The following TCF7 variants were observed in gnomAD, a reference collection of about 807,000 sequenced individuals.
TCF7 encodes T-cell-factor-7.
TCF7 carries 19 observed loss-of-function variants against 46.8 expected under a neutral mutation model. The ratio of observed to expected loss-of-function variants is 0.41; its 90% CI spans 0.28 to 0.60. The LOEUF is 0.60. Ranked by LOEUF, TCF7 falls within the 20% of genes least tolerant of loss-of-function variation. The pLI is 0.35. For synonymous variants in TCF7, 245 were observed against 213.4 expected (o/e 1.15, Z -1.29); for missense variants, 547 against 504.6 (o/e 1.08, Z -0.81).
intron 5 of TCF7, among the ~76,000 whole-genome samples, chr5:134,140,204 G>A (rs530399912): frequency 9.6e-4 from 146 of 152,324 alleles, no homozygotes; most frequent in African/African-American, 3.4e-3. Context: ...TGCCGGGCAG[G>A]GTTCTGGGCA....
In TCF7 at chr5:134,135,281, C is replaced by G. The variant is rs75116188; in HGVS notation, c.442-2778C>G. On this transcript the variant is annotated intron_variant, in intron 3 of 9. Coordinates refer to ENST00000342854, the MANE Select transcript of TCF7 (RefSeq NM_003202.5). ...CAGCCCACAGAGAATTTTGTAGGCC[C>G]CAGGTCAGGAGATACCGTGGGAAGC... Among the ~76,000 whole-genome samples the G allele has an allele frequency of 5.8e-3, 888 of 152,218 alleles. 7 individuals are homozygous for G. The highest frequency in any genetic ancestry group is 0.021 in the African/African-American group (852 of 41,544).
intron 4 of TCF7, 61 bp downstream of exon 4, chr5:134,138,225 C>G (rs773875024): frequency 6.8e-7 from 1 of 1,471,240 alleles, no homozygotes; most frequent in Non-Finnish European, 9.5e-7. Context: ...AAGACCCCAG[C>G]TTCTGAGACC....
At chr5:134,109,099 C>A in the TCF7 span, among the ~76,000 whole-genome samples, 1 of 149,624 alleles carries the variant, frequency 6.7e-6, no homozygotes, top group African/African-American at 2.5e-5. Flanking sequence ...TAACTACTTC[C>A]TGGATTCTAA....
chr5:134,119,577 A>G (rs1440520736), intron 3 of TCF7, among the ~76,000 whole-genome samples: 1 of 152,180 alleles, frequency 6.6e-6, no homozygotes, highest in Non-Finnish European at 1.5e-5. Context: ...TGATCTCCAC[A>G]GTTGTCCAGG....
chr5:134,143,546 A>G lies in TCF7; in HGVS notation c.1027-46A>G, dbSNP rs747774502. 1.2e-5 allele frequency: 20 copies of G among 1,613,110 alleles called. No individual in the cohort carries two copies. In the Admixed American group the frequency reaches 2.0e-4, roughly 16 times the overall value. Reference sequence around the variant, plus strand: ...TAGGCAGCAGGCTGTGGGTATCCCAATGTCTGCCTCCCAGATCTGAGCATC... The same window carrying G: ...TAGGCAGCAGGCTGTGGGTATCCCAGTGTCTGCCTCCCAGATCTGAGCATC... On this transcript the variant is annotated intron_variant, in intron 8 of 9. Coordinates refer to ENST00000342854, the MANE Select transcript of TCF7 (RefSeq NM_003202.5).
At chr5:134,130,266 T>C (rs573405230) in intron 3 of TCF7, among the ~76,000 whole-genome samples, 1 of 152,330 alleles carries the variant, frequency 6.6e-6, no homozygotes, top group Admixed American at 6.5e-5. Context: ...GGAAGTCGAT[T>C]GTTGTAGTCT....
intron 3 of TCF7, among the ~76,000 whole-genome samples, chr5:134,129,180 G>T (rs546286360): frequency 6.6e-6 from 1 of 152,336 alleles, no homozygotes; most frequent in East Asian, 1.9e-4. Context: ...AGCACAAAGT[G>T]GTTGGGAAGA....
intron 3 of TCF7, among the ~76,000 whole-genome samples, chr5:134,126,919 C>G (rs774071226): frequency 1.3e-5 from 2 of 151,654 alleles, no homozygotes; most frequent in African/African-American, 4.8e-5. Flanking sequence ...AAAGATCGTA[C>G]AAGCCAAGAA....
Position 134,142,232 on chromosome 5 carries a change from C to T in TCF7, c.683C>T (p.Pro228Leu), listed in dbSNP as rs1041367949. The T allele has an allele frequency of 6.2e-7, 1 of 1,612,566 alleles. No homozygotes were observed. Among genetic ancestry groups the T allele is most frequent in the African/African-American group, 1.3e-5 (1 of 74,910 alleles). Residue 228 changes from proline to leucine, a missense_variant, in exon 6 of 10, where the codon CCA becomes CTA. By Grantham distance (98) the Pro-to-Leu change is moderately conservative. Transcript: ENST00000342854. ...LMLGSGVPGH[P>L]AAIPHPAIVP... ...CTAGGTTCTGGTGTACCTGGTCACC[C>T]AGCAGCCATCCCCCACCCGGCCATT... is the stretch of plus-strand genomic sequence containing the variant.
chr5:134,135,048 G>A lies in TCF7; in HGVS notation c.442-3011G>A, dbSNP rs188805537. Among the ~76,000 whole-genome samples the A allele has an allele frequency of 2.6e-5, 4 of 152,310 alleles. No homozygotes were observed. In the East Asian group the frequency reaches 7.7e-4, roughly 29 times the overall value. ...GGCTCACTGCAGCCTCGATCTCCAGGGCTCCAATGATCCTCCTCCCTCAAC... is the reference window on the plus strand; with the variant it reads ...GGCTCACTGCAGCCTCGATCTCCAGAGCTCCAATGATCCTCCTCCCTCAAC... On this transcript the variant is annotated intron_variant, in intron 3 of 9. Transcript: ENST00000342854.
At chr5:134,109,899 A>G (rs1462477617), upstream of TCF7, among the ~76,000 whole-genome samples, 1 of 152,202 alleles carries the variant, frequency 6.6e-6, no homozygotes, top group African/African-American at 2.4e-5. Context: ...ACTAGGACAC[A>G]GGCTGGCACT....
chr5:134,132,475 T>C (rs1411488182), intron 3 of TCF7, among the ~76,000 whole-genome samples: 2 of 152,238 alleles, frequency 1.3e-5, no homozygotes, highest in African/African-American at 4.8e-5. Context: ...GGAGGCGTTC[T>C]TGGGAGGGCC....
intron 3 of TCF7, among the ~76,000 whole-genome samples, chr5:134,126,841 G>GAGCC (rs1372663241): frequency 6.6e-6 from 1 of 151,598 alleles, no homozygotes; most frequent in Non-Finnish European, 1.5e-5. Context: ...AGGTCACAGT[G>GAGCC]AGCCAAGATT....
intron 3 of TCF7, among the ~76,000 whole-genome samples, chr5:134,126,245 T>C (rs1032233930): frequency 3.9e-5 from 6 of 152,098 alleles, no homozygotes; most frequent in Non-Finnish European, 7.4e-5. Flanking sequence ...ACCGAGTGCG[T>C]GCCTGGCTGC....
rs1054856508 is a variant in TCF7, at chr5:134,136,884, G to A, written c.442-1175G>A. 2.6e-5 allele frequency among the ~76,000 whole-genome samples: 4 copies of A among 152,232 alleles called. No individual in the cohort carries two copies. In the South Asian group the frequency reaches 8.3e-4, roughly 31 times the overall value. On this transcript the variant is annotated intron_variant, in intron 3 of 9. Transcript: ENST00000342854. ...ATGTCCCGTTTCCTCTGTGCCAGGA[G>A]TCAGAGATCACTCATCCATGCTCCC...
chr5:134,138,602 C>T (rs1047370686), intron 4 of TCF7: 7 of 288,932 alleles, frequency 2.4e-5, no homozygotes, highest in African/African-American at 1.5e-4. Flanking sequence ...CTTGGCTCCC[C>T]AGGCTGGGCT....
intron 3 of TCF7, among the ~76,000 whole-genome samples, chr5:134,126,440 C>T (rs78102298): frequency 0.037 from 5,616 of 152,346 alleles, 154 homozygotes; most frequent in Non-Finnish European, 0.055. Flanking sequence ...GCCCAGGCCA[C>T]ATCTGTTCAT....
chr5:134,142,294 G>C lies in TCF7; in HGVS notation c.745G>C (p.Asp249His), dbSNP rs143237515. The change falls in exon 6 of 10, where the codon GAC becomes CAC. Residue 249 changes from aspartate to histidine, a missense_variant. Asp to His is a moderately conservative substitution (Grantham distance 81). Around this residue, in one of 3 missense-constraint regions of TCF7, gnomAD observed 425 missense variants for 349.9 expected, o/e 1.21. Coordinates refer to ENST00000342854, the MANE Select transcript of TCF7 (RefSeq NM_003202.5). ...AGGGAAGCAGGAGCTGCAGCCCTTC[G>C]ACCGCAACCTGTGAGTGAAAAGACA... ...PSGKQELQPFDRNLKTQAESK... is the reference protein window; with the variant it reads ...PSGKQELQPFHRNLKTQAESK... 1.8e-4 allele frequency: 287 copies of C among 1,587,580 alleles called. 1 individual carries two copies. Among genetic ancestry groups the C allele is most frequent in the Middle Eastern group, 3.4e-4 (2 of 5,934 alleles).
intron 2 of TCF7, 50 bp from the exon 3 acceptor site, chr5:134,115,858 TC>T (rs887927106): frequency 6.2e-7 from 1 of 1,612,202 alleles, no homozygotes; most frequent in Non-Finnish European, 8.5e-7. Context: ...CAGCCTTCAG[TC>T]CCAGCCGCTG....
Sources: gnomAD v4.1 joint callset for allele counts (sites outside exome capture counted in the v4.1 genomes callset) on GRCh38, gnomAD v4.1.1 for gene constraint, gnomAD v4.1.1 regional missense constraint, MANE v1.5 for transcripts, NCBI Gene and HGNC (gene_info 2026-07-23, HGNC 2026-07-21) for gene names.